Variants in PRKG1 observed in about 807,000 individuals in gnomAD.
PRKG1 encodes the protein cGMP-dependent protein kinase 1.
In PRKG1, 35 loss-of-function variants were observed where a neutral mutation model predicts 88.1. The observed-to-expected ratio is 0.40, with a 90% CI of 0.30 to 0.53. The LOEUF (loss-of-function observed/expected upper bound fraction) is 0.53, where lower values mean the gene tolerates loss of function less well. PRKG1 is among the 20% of genes least tolerant of loss of function. The probability of loss-of-function intolerance (pLI) is 0.59; values close to 1 mark genes in which losing one functional copy is unlikely to be tolerated. For missense variants in PRKG1, 540 were observed against 839.8 expected, an observed-to-expected ratio of 0.64 and a Z score of 4.41; for synonymous variants, 303 against 292.5, an observed-to-expected ratio of 1.04 and a Z score of -0.37.
chr10:51,500,110 G>T (rs1284124118), intron 3 of PRKG1, among the ~76,000 whole-genome samples: 4 of 152,126 alleles, frequency 2.6e-5, no homozygotes, highest in African/African-American at 4.8e-5. Flanking sequence ...TCATGAAAGT[G>T]TTTTTTATTG....
In PRKG1 at chr10:51,569,361, C is replaced by T. The variant is rs563562851; in HGVS notation, c.592+101525C>T. Among the ~76,000 whole-genome samples, 59 of 152,062 alleles carry T rather than the reference C, an allele frequency of 3.9e-4. 1 individual carries two copies. In the South Asian group the frequency reaches 0.011, roughly 28 times the overall value. On this transcript the variant is annotated intron_variant, in intron 3 of 17. Transcript: ENST00000373980. ...TACGGTTTGTCTTAGCTTCTTAAGA[C>T]ATCAAAACATAGGAGAAAGGATGCT...
At chr10:51,363,919 A>C (rs1842538231) in intron 2 of PRKG1, among the ~76,000 whole-genome samples, 1 of 152,010 alleles carries the variant, frequency 6.6e-6, no homozygotes, top group Non-Finnish European at 1.5e-5. Context: ...AATAATCAAA[A>C]TAAGTCAAAT....
At chr10:52,248,183 A>G (rs1441024355) in intron 9 of PRKG1, among the ~76,000 whole-genome samples, 1 of 152,280 alleles carries the variant, frequency 6.6e-6, no homozygotes, top group East Asian at 1.9e-4. Flanking sequence ...CTGTAAACCC[A>G]CAACCTTCCA....
intron 2 of PRKG1, among the ~76,000 whole-genome samples, chr10:51,186,737 A>G (rs1837496867): frequency 6.6e-6 from 1 of 151,658 alleles, no homozygotes; most frequent in African/African-American, 2.4e-5. Context: ...TCTTCCATTA[A>G]TTAGCTGTAT....
intron 9 of PRKG1, among the ~76,000 whole-genome samples, chr10:52,239,481 G>A (rs1840791209): frequency 1.3e-5 from 1 of 75,618 alleles, no homozygotes; most frequent in Non-Finnish European, 2.6e-5. Flanking sequence ...AAATATATAT[G>A]AGGAAAAAAA....
At chr10:51,044,982 TATG>T (rs1271555034) in intron 1 of PRKG1, among the ~76,000 whole-genome samples, 1 of 152,216 alleles carries the variant, frequency 6.6e-6, no homozygotes, top group Non-Finnish European at 1.5e-5. Flanking sequence ...TAGGCTGTGC[TATG>T]ATATTTTAGT....
chr10:52,077,271 A>C (rs1846652787), intron 7 of PRKG1, among the ~76,000 whole-genome samples: 1 of 152,188 alleles, frequency 6.6e-6, no homozygotes, highest in African/African-American at 2.4e-5. Context: ...TTAGTATCAA[A>C]ATAATTACGA....
At chr10:51,778,837 C>T (rs146092835) in intron 3 of PRKG1, among the ~76,000 whole-genome samples, 17 of 152,056 alleles carry the variant, frequency 1.1e-4, no homozygotes, top group East Asian at 1.9e-4. Flanking sequence ...TGAAGTAATC[C>T]GGATGTCAGT....
intron 1 of PRKG1, among the ~76,000 whole-genome samples, chr10:51,109,450 T>G (rs1448041035): frequency 6.6e-6 from 1 of 152,048 alleles, no homozygotes; most frequent in Non-Finnish European, 1.5e-5. Context: ...AGATACATGA[T>G]TTTTGACAAA....
At chr10:52,101,720 C>A (rs1273377306) in intron 7 of PRKG1, among the ~76,000 whole-genome samples, 2 of 152,144 alleles carry the variant, frequency 1.3e-5, no homozygotes, top group Admixed American at 1.3e-4. Flanking sequence ...TTGGCCAAGG[C>A]GACCTAGCCA....
At chr10:51,308,141 A>G (rs1195881653) in intron 2 of PRKG1, among the ~76,000 whole-genome samples, 1 of 152,198 alleles carries the variant, frequency 6.6e-6, no homozygotes, top group Non-Finnish European at 1.5e-5. Context: ...GAACTTGTCA[A>G]AATGAATTCC....
At chr10:51,558,441 C>T (rs1017935803) in intron 3 of PRKG1, among the ~76,000 whole-genome samples, 4 of 151,942 alleles carry the variant, frequency 2.6e-5, no homozygotes, top group Non-Finnish European at 4.4e-5. Flanking sequence ...ATTCCTATTT[C>T]CATAAGTTGC....
chr10:51,968,820 C>CAA (rs56810665), intron 5 of PRKG1, among the ~76,000 whole-genome samples: 43 of 105,486 alleles, frequency 4.1e-4, no homozygotes, highest in African/African-American at 1.3e-3. Flanking sequence ...AAAACTCCAT[C>CAA]AAAAAAAAAA....
At chr10:51,628,965 C>CAAAAAAAAAAA (rs199634329) in intron 3 of PRKG1, among the ~76,000 whole-genome samples, 9 of 98,454 alleles carry the variant, frequency 9.1e-5, no homozygotes, top group Admixed American at 2.9e-4. Context: ...GACTCCGTCT[C>CAAAAAAAAAAA]AAAAAAAAAA....
At chr10:51,331,401 C>T (rs1564449582) in intron 2 of PRKG1, among the ~76,000 whole-genome samples, 1 of 152,102 alleles carries the variant, frequency 6.6e-6, no homozygotes, top group Non-Finnish European at 1.5e-5. Flanking sequence ...GTTCTAGAGG[C>T]TCAGTCTGTG....
intron 3 of PRKG1, among the ~76,000 whole-genome samples, chr10:51,548,238 A>G (rs887035543): frequency 1.2e-4 from 10 of 86,498 alleles, no homozygotes; most frequent in African/African-American, 3.5e-4. Context: ...TTTGACTCAG[A>G]GCAGCACAAA....
intron 3 of PRKG1, among the ~76,000 whole-genome samples, chr10:51,571,943 A>G (rs1216252214): frequency 6.6e-6 from 1 of 151,762 alleles, no homozygotes; most frequent in African/African-American, 2.4e-5. Context: ...AAAGCATACG[A>G]AATATTGTGA....
At position 51,973,674 on chromosome 10, in the gene PRKG1, A is replaced by T. The variant is rs187454902; in HGVS notation, c.762+66104A>T. ...TTCAATGACTTTATTTTTCTTATAC[A>T]TCTGTTTTTATTAGATGAGAAAATC... On this transcript the variant is annotated intron_variant, in intron 5 of 17. Transcript: ENST00000373980. 2.0e-5 allele frequency among the ~76,000 whole-genome samples: 3 copies of T among 152,240 alleles called. No individual in the cohort carries two copies. The East Asian group carries it at 5.8e-4, about 29-fold the overall frequency.
At chr10:51,455,362 T>C (rs1244145317) in intron 2 of PRKG1, among the ~76,000 whole-genome samples, 1 of 152,250 alleles carries the variant, frequency 6.6e-6, no homozygotes, top group East Asian at 1.9e-4. Flanking sequence ...CCCCATTGTT[T>C]TGGTGATTAA....
Sources: gnomAD v4.1 joint callset for allele counts (sites outside exome capture counted in the v4.1 genomes callset) on GRCh38, gnomAD v4.1.1 for gene constraint, MANE v1.5 for transcripts, NCBI Gene and HGNC (gene_info 2026-07-23, HGNC 2026-07-21) for gene names.